The following APP variants were observed in gnomAD, a reference collection of about 807,000 sequenced individuals.
The protein encoded by APP is amyloid-beta precursor protein.
A neutral mutation model predicts 101.4 loss-of-function variants in APP; 31 were observed. The ratio of observed to expected loss-of-function variants is 0.31; its 90% CI spans 0.23 to 0.41. The LOEUF (loss-of-function observed/expected upper bound fraction) is 0.41, where lower values mean the gene tolerates loss of function less well. APP is among the 10% of genes least tolerant of loss of function. The pLI, the probability that APP is intolerant of heterozygous loss-of-function variation, is 1.00. For synonymous variants in APP, 366 were observed against 364.4 expected (o/e 1.00, Z -0.05); for missense variants, 839 against 1,003.7 (o/e 0.84, Z 2.22).
intron 17 of APP, among the ~76,000 whole-genome samples, chr21:25,883,834 G>A (rs1469415277): frequency 6.6e-6 from 1 of 152,194 alleles, no homozygotes; most frequent in Non-Finnish European, 1.5e-5. Flanking sequence ...TAATCCCAAG[G>A]CAGCTGGAAT....
At chr21:26,164,425 G>A (rs754178310) in intron 1 of APP, among the ~76,000 whole-genome samples, 1 of 152,184 alleles carries the variant, frequency 6.6e-6, no homozygotes, top group Non-Finnish European at 1.5e-5. Flanking sequence ...TACCCAGATT[G>A]GCAAAGCCTG....
At chr21:26,009,213 A>G (rs1437843607) in intron 6 of APP, among the ~76,000 whole-genome samples, 2 of 152,256 alleles carry the variant, frequency 1.3e-5, no homozygotes, top group Admixed American at 6.5e-5. Flanking sequence ...TAAAAGAAGT[A>G]CACATATATT....
intron 6 of APP, among the ~76,000 whole-genome samples, chr21:26,010,748 G>A (rs1319386256): frequency 7.3e-6 from 1 of 136,148 alleles, no homozygotes; most frequent in Non-Finnish European, 1.5e-5. Context: ...TTGAACCTGG[G>A]CAGCAGAGGT....
intron 14 of APP, among the ~76,000 whole-genome samples, chr21:25,908,469 T>TA (rs2146307651): frequency 6.6e-6 from 1 of 152,238 alleles, no homozygotes; most frequent in Non-Finnish European, 1.5e-5. Context: ...ATATTTTCAG[T>TA]AGTTGGGTGT....
At chr21:26,109,830 T>G (rs1233912996) in intron 2 of APP, among the ~76,000 whole-genome samples, 4 of 152,122 alleles carry the variant, frequency 2.6e-5, no homozygotes, top group Non-Finnish European at 4.4e-5. Flanking sequence ...ATCAAAATAG[T>G]CGATTCACCA....
At chr21:26,039,019 C>G (rs892924330) in intron 5 of APP, among the ~76,000 whole-genome samples, 2 of 152,154 alleles carry the variant, frequency 1.3e-5, no homozygotes, top group African/African-American at 4.8e-5. Context: ...CAAAGATTAT[C>G]TTATTTACTT....
chr21:26,162,542 C>G lies in APP; in HGVS notation c.57+8022G>C, dbSNP rs146497565. Among the ~76,000 whole-genome samples the G allele has an allele frequency of 2.0e-3, 307 of 152,070 alleles. 8 individuals carry two copies. The East Asian group carries it at 0.034, about 17-fold the overall frequency. On this transcript the variant is annotated intron_variant, in intron 1 of 17. Coordinates refer to ENST00000346798, the MANE Select transcript of APP (RefSeq NM_000484.4). Reference sequence around the variant, plus strand: ...AACTAAACAAATGAGTTTGTAGTAACTTGGGATGAGGGGCAGGTCTAAAAC... The same window carrying G: ...AACTAAACAAATGAGTTTGTAGTAAGTTGGGATGAGGGGCAGGTCTAAAAC...
intron 11 of APP, among the ~76,000 whole-genome samples, chr21:25,973,771 T>C (rs1408880141): frequency 6.6e-6 from 1 of 151,792 alleles, no homozygotes; most frequent in African/African-American, 2.4e-5. Context: ...GTTGAAACCC[T>C]GTCTCTACTA....
chr21:26,073,394 G>A (rs995259287), intron 3 of APP, among the ~76,000 whole-genome samples: 5 of 152,126 alleles, frequency 3.3e-5, no homozygotes, highest in Non-Finnish European at 5.9e-5. Flanking sequence ...GAGAGACTGT[G>A]GAGGACACAA....
intron 6 of APP, among the ~76,000 whole-genome samples, chr21:26,020,312 T>C (rs530627439): frequency 1.3e-5 from 2 of 152,298 alleles, no homozygotes; most frequent in African/African-American, 4.8e-5. Flanking sequence ...AGTGAGTATG[T>C]GTGATCTTAC....
intron 1 of APP, among the ~76,000 whole-genome samples, chr21:26,145,702 C>T (rs897753613): frequency 1.3e-5 from 2 of 152,140 alleles, no homozygotes; most frequent in African/African-American, 4.8e-5. Context: ...GTTCTCATTG[C>T]CCAGAGTCAG....
intron 17 of APP, among the ~76,000 whole-genome samples, chr21:25,886,665 G>A (rs940835741): frequency 1.3e-5 from 2 of 152,158 alleles, no homozygotes; most frequent in African/African-American, 4.8e-5. Context: ...CAAATGCTGG[G>A]ATTACAGGTG....
At chr21:26,075,080 T>G (rs1434828959) in intron 3 of APP, among the ~76,000 whole-genome samples, 5 of 152,210 alleles carry the variant, frequency 3.3e-5, no homozygotes, top group Non-Finnish European at 7.3e-5. Flanking sequence ...GCATGTGAAA[T>G]TGCTGCTCCA....
intron 16 of APP, among the ~76,000 whole-genome samples, chr21:25,894,698 T>A (rs1605086): frequency 6.6e-6 from 1 of 152,178 alleles, no homozygotes; most frequent in Non-Finnish European, 1.5e-5. Context: ...TTTCTTGCAA[T>A]GGAATCTACT....
chr21:26,064,819 T>C (rs1255635847), intron 3 of APP, among the ~76,000 whole-genome samples: 1 of 152,180 alleles, frequency 6.6e-6, no homozygotes, highest in Non-Finnish European at 1.5e-5. Context: ...TAGCCACTCC[T>C]GGATTTCTTT....
At chr21:25,907,605 G>A (rs1407801737) in intron 14 of APP, among the ~76,000 whole-genome samples, 1 of 152,174 alleles carries the variant, frequency 6.6e-6, no homozygotes, top group East Asian at 1.9e-4. Flanking sequence ...TTATTCTCTT[G>A]CTCTCAGTAG....
At chr21:26,161,747 T>C (rs2063494983) in intron 1 of APP, among the ~76,000 whole-genome samples, 1 of 152,206 alleles carries the variant, frequency 6.6e-6, no homozygotes, top group East Asian at 1.9e-4. Flanking sequence ...CAAAATTATA[T>C]TTGTGTTAAA....
At chr21:25,983,506 T>C (rs45567632) in intron 8 of APP, among the ~76,000 whole-genome samples, 1,665 of 152,330 alleles carry the variant, frequency 0.011, 12 homozygotes, top group South Asian at 0.029. Context: ...AGCTAAGTCA[T>C]TTTGAAACTA....
intron 1 of APP, among the ~76,000 whole-genome samples, chr21:26,154,639 AG>A (rs2063339295): frequency 6.6e-6 from 1 of 152,248 alleles, no homozygotes; most frequent in Non-Finnish European, 1.5e-5. Context: ...TAGTAACTAA[AG>A]GGGATGCAGC....
Sources: gnomAD v4.1 joint callset for allele counts (sites outside exome capture counted in the v4.1 genomes callset) on GRCh38, gnomAD v4.1.1 for gene constraint, MANE v1.5 for transcripts, NCBI Gene and HGNC (gene_info 2026-07-23, HGNC 2026-07-21) for gene names.